The following ZNF786 variants were observed in gnomAD, a reference collection of about 807,000 sequenced individuals.
ZNF786 encodes the protein zinc finger protein 786.
Under a neutral mutation model 63.1 loss-of-function variants are expected in ZNF786, and 56 were observed. That is an observed-to-expected ratio of 0.89 (90% CI 0.72 to 1.11). The LOEUF (loss-of-function observed/expected upper bound fraction) is 1.11, where lower values mean the gene tolerates loss of function less well. Ranked by LOEUF, ZNF786 falls within the 50% of genes least tolerant of loss-of-function variation. The pLI is 0.00. For synonymous variants in ZNF786, 485 were observed against 406.9 expected, an observed-to-expected ratio of 1.19 and a Z score of -2.31; for missense variants, 1,213 against 1,041.8, an observed-to-expected ratio of 1.16 and a Z score of -2.26.
rs752774030 is a variant in ZNF786 at position 149,070,587 on chromosome 7, C to T, written c.2185G>A (p.Glu729Lys). ...MLRHQRIHRPERPFACGDCGK... is the reference protein window; with the variant it reads ...MLRHQRIHRPKRPFACGDCGK... ...CAATCGCCACAGGCAAAGGGCCTCT[C>T]GGGCCTGTGGATGCGCTGGTGCCTC... The change falls in exon 4 of 4, where the codon GAG becomes AAG. Residue 729 changes from glutamate to lysine, a missense_variant. Glu to Lys is a moderately conservative substitution (Grantham distance 56, BLOSUM62 1). Transcript: ENST00000491431. 1.9e-6 allele frequency: 3 copies of T among 1,613,882 alleles called. No individual in the cohort carries two copies. Among genetic ancestry groups the T allele is most frequent in the Non-Finnish European group, 2.5e-6 (3 of 1,179,906 alleles).
chr7:149,077,144 G>A (rs80343108), intron 2 of ZNF786, among the ~76,000 whole-genome samples: 140 of 152,284 alleles, frequency 9.2e-4, no homozygotes, highest in Non-Finnish European at 1.3e-3. Context: ...AATCAGTCAC[G>A]TTCCATCTTG....
intron 1 of ZNF786, among the ~76,000 whole-genome samples, chr7:149,081,940 T>C (rs2373437): frequency 0.55 from 82,998 of 152,090 alleles, 26,064 homozygotes; most frequent in East Asian, 0.9. Context: ...TATAAATCAG[T>C]AGCACTGCTA....
intron 2 of ZNF786, among the ~76,000 whole-genome samples, chr7:149,075,047 T>C (rs1825520267): frequency 6.6e-6 from 1 of 152,010 alleles, no homozygotes. Context: ...CAGGCTGGTT[T>C]CAAATTCCTG....
At chr7:149,081,435 C>CAAAA (rs749538585) in intron 1 of ZNF786, among the ~76,000 whole-genome samples, 4 of 46,224 alleles carry the variant, frequency 8.7e-5, no homozygotes, top group African/African-American at 2.1e-4. Context: ...GACTCGGTCT[C>CAAAA]AAAAAAAAAA....
chr7:149,082,838 C>T (rs1451680428), intron 1 of ZNF786, among the ~76,000 whole-genome samples: 2 of 151,770 alleles, frequency 1.3e-5, no homozygotes, highest in Admixed American at 1.3e-4. Flanking sequence ...CCACCTTGGC[C>T]TCCCAAAGTG....
intron 2 of ZNF786, among the ~76,000 whole-genome samples, chr7:149,077,441 C>T (rs555339362): frequency 6.6e-6 from 1 of 151,354 alleles, no homozygotes; most frequent in East Asian, 2.0e-4. Flanking sequence ...TCCTGGCAAA[C>T]ACGGTGAAAC....
rs761459214 is a variant in ZNF786, at chr7:149,072,404, G to T, written c.368C>A (p.Ser123Tyr). 4 of 1,612,620 alleles carry T rather than the reference G, an allele frequency of 2.5e-6. No homozygotes were observed. Among genetic ancestry groups the T allele is most frequent in the African/African-American group, 2.7e-5 (2 of 74,996 alleles). The change falls in exon 4 of 4, where the codon TCC (serine) becomes TAC (tyrosine). Residue 123 changes from serine (S) to tyrosine (Y), a missense_variant. Transcript: ENST00000491431. ...HFQLDPESQC[S>Y]FGSFVSFRPD... ...CCTGAAGGAAACAAAGGATCCAAAG[G>T]AACACTGGCTTTCAGGATCTAATTG...
intron 2 of ZNF786, among the ~76,000 whole-genome samples, chr7:149,075,672 T>TG (rs1563138062): frequency 1.1e-4 from 14 of 124,290 alleles, no homozygotes; most frequent in African/African-American, 4.3e-4. Context: ...TTTTTTTTTT[T>TG]TTTTTTTTTT....
Position 149,070,873 on chromosome 7 carries a change from C to T in ZNF786, c.1899G>A (p.Lys633=). 6.2e-7 allele frequency: 1 copy of T among 1,613,694 alleles called. No homozygotes were observed. Among genetic ancestry groups the T allele is most frequent in the Middle Eastern group, 1.6e-4 (1 of 6,062 alleles). ...GCAGCTGGTGGGCCTTCATGTCGGC[C>T]TTCACGCGATAGCGCTTGTCGCACT... is the stretch of plus-strand genomic sequence containing the variant. ...CPECDKRYRV[K]ADMKAHQLLH... Residue 633 remains lysine, a synonymous_variant, in exon 4 of 4, where the codon AAG becomes AAA. Transcript: ENST00000491431.
In ZNF786 at chr7:149,071,276, T is replaced by A; in HGVS notation, c.1496A>T (p.His499Leu). 6.2e-7 allele frequency: 1 copy of A among 1,612,882 alleles called. No homozygotes were observed. The highest frequency in any genetic ancestry group is 8.5e-7 in the Non-Finnish European group (1 of 1,179,552). Residue 499 changes from histidine to leucine, a missense_variant, in exon 4 of 4, where the codon CAC (histidine) becomes CTC (leucine). Coordinates refer to ENST00000491431, the MANE Select transcript of ZNF786 (RefSeq NM_152411.4). ...CCTCTCCCCACCGTGCCGGAGCCGG[T>A]GGGCTCTCAGCATGCTCTCCAGGCG... Reference protein sequence around the residue: ...SFRLESMLRAHRLRHGGERPF... With the variant: ...SFRLESMLRALRLRHGGERPF...
intron 1 of ZNF786, 107 bp downstream of exon 1, chr7:149,090,516 C>T: frequency 7.9e-7 from 1 of 1,273,132 alleles, no homozygotes; most frequent in Non-Finnish European, 1.0e-6. Context: ...TCCGTCCTAC[C>T]CGTGCACCGC....
At position 149,072,192 on chromosome 7, in the gene ZNF786, C is replaced by T. The variant is rs1563136933; in HGVS notation, c.580G>A (p.Glu194Lys). The T allele has an allele frequency of 1.9e-6, 3 of 1,613,434 alleles. No homozygotes were observed. Among genetic ancestry groups the T allele is most frequent in the Non-Finnish European group, 2.5e-6 (3 of 1,179,758 alleles). Residue 194 changes from glutamate (E) to lysine (K), a missense_variant, in exon 4 of 4, where the codon GAA becomes AAA. By Grantham distance (56) the Glu-to-Lys change is moderately conservative. Coordinates refer to ENST00000491431, the MANE Select transcript of ZNF786 (RefSeq NM_152411.4). ...AAATGGTTGTTCTCCCAACAGCTTT[C>T]CCCGCAGACAGGCCAAGGGTGCTGG... Reference protein sequence around the residue: ...STQHPWPVCGESCWENNHLVM... With the variant: ...STQHPWPVCGKSCWENNHLVM...
chr7:149,086,379 G>A (rs896879760), intron 1 of ZNF786, among the ~76,000 whole-genome samples: 10 of 152,204 alleles, frequency 6.6e-5, no homozygotes, highest in African/African-American at 2.4e-4. Context: ...TGTAATCCCA[G>A]CACTTTGGGA....
At chr7:149,085,577 A>G (rs1825722384) in intron 1 of ZNF786, among the ~76,000 whole-genome samples, 2 of 152,224 alleles carry the variant, frequency 1.3e-5, no homozygotes, top group African/African-American at 4.8e-5. Flanking sequence ...GGCCTCCTGA[A>G]GTGTTGGGAT....
chr7:149,071,270 AGCCG>A lies in ZNF786; in HGVS notation c.1498_1501del (p.Arg500SerfsTer28). 6.2e-7 allele frequency: 1 copy of A among 1,605,280 alleles called. No individual in the cohort carries two copies. The highest frequency in any genetic ancestry group is 8.5e-7 in the Non-Finnish European group (1 of 1,177,014). ...GAACGGCCTCTCCCCACCGTGCCGGAGCCGGTGGGCTCTCAGCATGCTCTCCAGG... is the reference window on the plus strand; with the variant it reads ...GAACGGCCTCTCCCCACCGTGCCGGAGTGGGCTCTCAGCATGCTCTCCAGG... On this transcript the variant is annotated frameshift_variant, in exon 4 of 4. Transcript: ENST00000491431. LOFTEE classifies it high-confidence loss of function.
In ZNF786 at chr7:149,070,711, C is replaced by T. The variant is rs375575239; in HGVS notation, c.2061G>A (p.Leu687=). 1.2e-6 allele frequency: 2 copies of T among 1,613,730 alleles called. No individual in the cohort carries two copies. The highest frequency in any genetic ancestry group is 1.3e-5 in the African/African-American group (1 of 74,936). The change falls in exon 4 of 4, where the codon CTG becomes CTA. Residue 687 remains leucine (L), a synonymous_variant. Coordinates refer to ENST00000491431, the MANE Select transcript of ZNF786 (RefSeq NM_152411.4). ...QCPKCDKSFR[L]KAQLLSHQGL... ...CCTGATGGCTGAGCAGCTGCGCCTT[C>T]AGGCGGAAACTCTTGTCACACTTGG...
intron 3 of ZNF786, among the ~76,000 whole-genome samples, chr7:149,073,755 A>ATATG (rs1825486680): frequency 1.1e-4 from 8 of 72,464 alleles, no homozygotes; most frequent in African/African-American, 3.5e-4. Context: ...GTGTATATAT[A>ATATG]TATATATATA....
At chr7:149,086,924 C>A (rs917952150) in intron 1 of ZNF786, among the ~76,000 whole-genome samples, 54 of 151,914 alleles carry the variant, frequency 3.6e-4, no homozygotes, top group Admixed American at 2.1e-3. Flanking sequence ...CAGCTCACTG[C>A]AGCCTCCACC....
intron 1 of ZNF786, among the ~76,000 whole-genome samples, chr7:149,085,670 G>GTATTGT (rs1176577642): frequency 0.011 from 1,638 of 152,258 alleles, 29 homozygotes; most frequent in African/African-American, 0.038. Flanking sequence ...AATGAATCTG[G>GTATTGT]AAACTGCTTT....
Sources: gnomAD v4.1 joint callset for allele counts (sites outside exome capture counted in the v4.1 genomes callset) on GRCh38, gnomAD v4.1.1 for gene constraint, MANE v1.5 for transcripts, NCBI Gene and HGNC (gene_info 2026-07-23, HGNC 2026-07-21) for gene names.